Variants in VWA3A observed in about 807,000 individuals in gnomAD.
VWA3A encodes von Willebrand factor A domain-containing protein 3A.
VWA3A carries 134 observed loss-of-function variants against 160.4 expected under a neutral mutation model. The observed-to-expected ratio is 0.84, with a 90% CI of 0.73 to 0.96. The LOEUF is 0.96. VWA3A is among the 40% of genes least tolerant of loss of function. The probability of loss-of-function intolerance (pLI) is 0.00; values close to 1 mark genes in which losing one functional copy is unlikely to be tolerated. For missense variants in VWA3A, 1,310 were observed against 1,447.9 expected (o/e 0.90, Z 1.55); for synonymous variants, 476 against 543.4 (o/e 0.88, Z 1.72).
rs575898928 is a variant in VWA3A, at chr16:22,129,059, C to T, written c.1653-2146C>T. On this transcript the variant is annotated intron_variant, in intron 17 of 33. Transcript: ENST00000389398. ...TTTACCTATATAACAAACCTGCACA[C>T]GTACCCCTGAGCCCAAAATAAAAGT... Among the ~76,000 whole-genome samples the T allele has an allele frequency of 4.6e-4, 70 of 152,114 alleles. 1 individual carries two copies. The South Asian group carries it at 0.013, about 28-fold the overall frequency.
chr16:22,156,200 A>G lies in VWA3A; in HGVS notation c.*183A>G, dbSNP rs1323953918. 7 of 444,080 alleles carry G rather than the reference A, an allele frequency of 1.6e-5. No individual in the cohort carries two copies. The South Asian group carries it at 1.7e-4, about 11-fold the overall frequency. The allele number at this position is 444,080 out of a possible 1,614,324, so 27.5% of individuals were successfully genotyped here. On this transcript the variant is annotated 3_prime_UTR_variant, in exon 34 of 34. Transcript: ENST00000389398. The stretch of plus-strand genomic sequence containing the variant: ...TGTGAGGGGCCATTCCCGGGTCTTA[A>G]TCTAACTCTCCAGCCCTGTCCCGCA...
rs553708844 is a variant in VWA3A, at chr16:22,110,770, C to T, written c.583-118C>T. On this transcript the variant is annotated intron_variant, in intron 7 of 33. Transcript: ENST00000389398. ...GCTGGCTGCTAAGCCCAGCCTCGAG[C>T]AGCCCTATTCAGTACAGCTCACACC... 23 of 799,388 alleles carry T rather than the reference C, an allele frequency of 2.9e-5. No homozygotes were observed. In the South Asian group the frequency reaches 6.1e-4, roughly 21 times the overall value. The allele number at this position is 799,388 out of a possible 1,614,324, so 49.5% of individuals were successfully genotyped here. A position where few individuals can be genotyped will look rare whatever the true frequency, so the allele number is the denominator to read the frequency against.
chr16:22,129,402 A>AAAAGAAAGAAAGAAAG (rs1555458652), intron 17 of VWA3A, among the ~76,000 whole-genome samples: 18 of 118,976 alleles, frequency 1.5e-4, no homozygotes, highest in African/African-American at 6.5e-4. Context: ...AAAAAAAAAA[A>AAAAGAAAGAAAGAAAG]AAAGAAAGAA....
intron 20 of VWA3A, among the ~76,000 whole-genome samples, chr16:22,133,444 G>A (rs977159904): frequency 2.2e-4 from 33 of 151,968 alleles, no homozygotes; most frequent in African/African-American, 7.3e-4. Flanking sequence ...TTGAGATCAG[G>A]ACTTTGAGAA....
At chr16:22,099,154 T>C (rs908277327) in intron 3 of VWA3A, among the ~76,000 whole-genome samples, 1 of 151,904 alleles carries the variant, frequency 6.6e-6, no homozygotes, top group East Asian at 1.9e-4. Context: ...GGGTTGAGTC[T>C]GAAAGGTGAG....
At chr16:22,125,901 A>T (rs2045840453) in intron 16 of VWA3A, among the ~76,000 whole-genome samples, 1 of 152,184 alleles carries the variant, frequency 6.6e-6, no homozygotes, top group African/African-American at 2.4e-5. Flanking sequence ...AATCTGTGAA[A>T]ATCATTATAT....
intron 3 of VWA3A, among the ~76,000 whole-genome samples, chr16:22,099,472 C>T (rs2045374954): frequency 6.6e-6 from 1 of 152,210 alleles, no homozygotes; most frequent in African/African-American, 2.4e-5. Flanking sequence ...ATTATCTGTA[C>T]CTCAGTTCCC....
At chr16:22,096,533 C>T (rs962970796) in intron 1 of VWA3A, among the ~76,000 whole-genome samples, 2 of 152,038 alleles carry the variant, frequency 1.3e-5, no homozygotes, top group South Asian at 2.1e-4. Context: ...TCACTTGAGC[C>T]CTAGAGTTCG....
chr16:22,134,073 C>G (rs1224434951), intron 20 of VWA3A, among the ~76,000 whole-genome samples: 1 of 152,128 alleles, frequency 6.6e-6, no homozygotes, highest in East Asian at 1.9e-4. Flanking sequence ...AAGCAATCCT[C>G]CCACCCCAGC....
intron 13 of VWA3A, among the ~76,000 whole-genome samples, 156 bp downstream of exon 13, chr16:22,121,259 A>T (rs958982594): frequency 6.6e-6 from 1 of 152,186 alleles, no homozygotes; most frequent in Non-Finnish European, 1.5e-5. Context: ...CAACCTAGGC[A>T]ACATAGCAAG....
chr16:22,096,454 T>C (rs1297940322), intron 1 of VWA3A, among the ~76,000 whole-genome samples: 1 of 152,050 alleles, frequency 6.6e-6, no homozygotes, highest in East Asian at 1.9e-4. Context: ...AGCAAGACCT[T>C]GTCAATAAAA....
chr16:22,151,186 G>A (rs1306879774), intron 30 of VWA3A, among the ~76,000 whole-genome samples: 2 of 151,916 alleles, frequency 1.3e-5, no homozygotes, highest in Admixed American at 6.6e-5. Flanking sequence ...AGACTGAGAC[G>A]TGAGAATCAC....
At chr16:22,121,852 G>T (rs2045740907) in intron 14 of VWA3A, among the ~76,000 whole-genome samples, 1 of 152,078 alleles carries the variant, frequency 6.6e-6, no homozygotes, top group South Asian at 2.1e-4. Context: ...CCTCCATGAA[G>T]GTTTTCTCCT....
Position 22,110,952 on chromosome 16 carries a change from C to T in VWA3A, c.647C>T (p.Ala216Val), listed in dbSNP as rs149744090. 744 of 1,610,336 alleles carry T rather than the reference C, an allele frequency of 4.6e-4. 4 individuals carry two copies. The highest frequency in any genetic ancestry group is 3.1e-3 in the Middle Eastern group (19 of 6,058). Residue 216 changes from alanine (A) to valine (V), a missense_variant, in exon 8 of 34, where the codon GCC (alanine) becomes GTC (valine). Ala to Val is a moderately conservative substitution (Grantham distance 64, BLOSUM62 0). Coordinates refer to ENST00000389398, the MANE Select transcript of VWA3A (RefSeq NM_173615.5). ...TTTGTCCTGTCCTTTGGCACCAATG[C>T]CGGGTCCCTCTGGCCAGACCCCATG... is the stretch of plus-strand genomic sequence containing the variant. ...KLFVLSFGTNAGSLWPDPMEV... is the reference protein window; with the variant it reads ...KLFVLSFGTNVGSLWPDPMEV...
chr16:22,147,895 A>G (rs1392626036), intron 27 of VWA3A, among the ~76,000 whole-genome samples: 1 of 152,138 alleles, frequency 6.6e-6, no homozygotes, highest in African/African-American at 2.4e-5. Flanking sequence ...GGAGGTTATA[A>G]CCGCTTGTGC....
At chr16:22,124,769 A>G (rs188173880) in intron 16 of VWA3A, among the ~76,000 whole-genome samples, 12 of 152,124 alleles carry the variant, frequency 7.9e-5, no homozygotes, top group Non-Finnish European at 1.6e-4. Flanking sequence ...TGGTTAAACT[A>G]CTTAAACAAA....
chr16:22,139,655 G>T (rs753778771), intron 22 of VWA3A, among the ~76,000 whole-genome samples: 1 of 151,972 alleles, frequency 6.6e-6, no homozygotes, highest in Non-Finnish European at 1.5e-5. Flanking sequence ...AGATCACGCC[G>T]CTGCACTCCA....
At chr16:22,142,051 GA>G (rs1052369083) in intron 24 of VWA3A, among the ~76,000 whole-genome samples, 3 of 152,152 alleles carry the variant, frequency 2.0e-5, no homozygotes, top group African/African-American at 7.2e-5. Flanking sequence ...CAGATCCCAA[GA>G]ACAATTCATT....
rs2045543814 is a variant in VWA3A at position 22,110,899 on chromosome 16, T to G, written c.594T>G (p.Asp198Glu). The G allele has an allele frequency of 7.5e-6, 12 of 1,607,136 alleles. No individual in the cohort carries two copies. The highest frequency in any genetic ancestry group is 1.3e-5 in the African/African-American group (1 of 74,844). Residue 198 changes from aspartate (D) to glutamate (E), a missense_variant, in exon 8 of 34, where the codon GAT becomes GAG. By Grantham distance (45) the Asp-to-Glu change is conservative. Coordinates refer to ENST00000389398, the MANE Select transcript of VWA3A (RefSeq NM_173615.5). ...CTTTTGTCCAACAGAGCCTCATCGA[T>G]GAGCAGCTGAGCCACAAGGAGAAGC... is the stretch of plus-strand genomic sequence containing the variant. ...EFQKDLMSLI[D>E]EQLSHKEKLF...
Sources: allele counts gnomAD v4.1 joint callset (sites outside exome capture counted in the v4.1 genomes callset), GRCh38; gene constraint gnomAD v4.1.1; transcripts MANE v1.5; gene names NCBI Gene and HGNC (gene_info 2026-07-23, HGNC 2026-07-21).